AQP9: variants seen among roughly 807,000 people sequenced by gnomAD.
The protein encoded by AQP9 is aquaporin-9.
In AQP9, 19 loss-of-function variants were observed where a neutral mutation model predicts 23.8. The observed-to-expected ratio is 0.80, with a 90% CI of 0.56 to 1.17. The LOEUF is 1.17. Ranked by LOEUF, AQP9 falls within the 50% of genes most tolerant of loss-of-function variation. The probability of loss-of-function intolerance (pLI) is 0.00; values close to 1 mark genes in which losing one functional copy is unlikely to be tolerated. For missense variants in AQP9, 413 were observed against 362.0 expected (o/e 1.14, Z -1.14); for synonymous variants, 153 against 131.5 (o/e 1.16, Z -1.12).
intron 2 of AQP9, among the ~76,000 whole-genome samples, chr15:58,169,232 C>G (rs73426179): frequency 0.024 from 3,715 of 152,260 alleles, 161 homozygotes; most frequent in African/African-American, 0.084. Context: ...GAGTCAGGAC[C>G]TGACCAAAAT....
intron 1 of AQP9, chr15:58,150,238 A>G (rs1438350747): frequency 1.3e-5 from 2 of 152,638 alleles, no homozygotes; most frequent in Non-Finnish European, 2.9e-5. Flanking sequence ...AGTTTCAATT[A>G]CTTGAGCTCA....
intron 2 of AQP9, among the ~76,000 whole-genome samples, chr15:58,171,874 A>C (rs1421305104): frequency 6.6e-6 from 1 of 152,056 alleles, no homozygotes; most frequent in Non-Finnish European, 1.5e-5. Context: ...CATCACCACC[A>C]TCATCCCTCC....
At chr15:58,160,441 TTA>T (rs772537801) in intron 1 of AQP9, among the ~76,000 whole-genome samples, 7 of 152,190 alleles carry the variant, frequency 4.6e-5, no homozygotes, top group African/African-American at 7.2e-5. Flanking sequence ...ACTAAATTTT[TTA>T]TCTTTTCCTG....
In AQP9 at chr15:58,174,787, T is replaced by C. The variant is rs371071228; in HGVS notation, c.377-131T>C. 97 of 736,244 alleles carry C rather than the reference T, an allele frequency of 1.3e-4. 1 individual carries two copies. In the African/African-American group the frequency reaches 1.4e-3, roughly 11 times the overall value. The allele number at this position is 736,244 out of a possible 1,614,324, so 45.6% of individuals were successfully genotyped here. A position where few individuals can be genotyped will look rare whatever the true frequency, so the allele number is the denominator to read the frequency against. On this transcript the variant is annotated intron_variant, in intron 3 of 5. Coordinates refer to ENST00000219919, the MANE Select transcript of AQP9 (RefSeq NM_020980.5). ...CTCTAAAACTATCATTCCTCGGAAG[T>C]AGAGAGAGACAAATGACATGGCTAT...
At chr15:58,160,392 T>C (rs1458379433) in intron 1 of AQP9, among the ~76,000 whole-genome samples, 1 of 152,226 alleles carries the variant, frequency 6.6e-6, no homozygotes, top group Non-Finnish European at 1.5e-5. Flanking sequence ...GCTCCTTATA[T>C]ATTATGGTTA....
chr15:58,171,081 C>A (rs111715364), intron 2 of AQP9, among the ~76,000 whole-genome samples: 4,234 of 150,564 alleles, frequency 0.028, 124 homozygotes, highest in African/African-American at 0.071. Flanking sequence ...CGAGCCACCA[C>A]GCCCAACTAA....
intron 1 of AQP9, among the ~76,000 whole-genome samples, chr15:58,147,163 T>G (rs960574571): frequency 6.6e-6 from 1 of 152,176 alleles, no homozygotes; most frequent in African/African-American, 2.4e-5. Flanking sequence ...AATTTTAATT[T>G]TACCCAGAAA....
intron 1 of AQP9, among the ~76,000 whole-genome samples, chr15:58,156,434 G>A (rs752921577): frequency 5.9e-5 from 9 of 151,964 alleles, no homozygotes; most frequent in South Asian, 2.1e-4. Context: ...CACATTCACC[G>A]TATCAACTGT....
chr15:58,179,416 A>C, intron 5 of AQP9, 71 bp downstream of exon 5: 3 of 1,411,604 alleles, frequency 2.1e-6, no homozygotes, highest in African/African-American at 1.4e-5. Context: ...GGGCTTTGAC[A>C]TGGAGATCCA....
intron 1 of AQP9, among the ~76,000 whole-genome samples, chr15:58,160,094 A>G (rs1361866369): frequency 2.0e-5 from 3 of 152,168 alleles, no homozygotes; most frequent in Non-Finnish European, 4.4e-5. Context: ...ACTATTTTCC[A>G]TAGTGGCTAT....
At chr15:58,159,797 G>T (rs1379547958) in intron 1 of AQP9, among the ~76,000 whole-genome samples, 1 of 152,082 alleles carries the variant, frequency 6.6e-6, no homozygotes, top group African/African-American at 2.4e-5. Flanking sequence ...TTAACATAAT[G>T]ACCTCCAGTT....
chr15:58,174,956 G>C lies in AQP9; in HGVS notation c.415G>C (p.Val139Leu), dbSNP rs367676440. 3.1e-6 allele frequency: 5 copies of C among 1,614,062 alleles called. No homozygotes were observed. The highest frequency in any genetic ancestry group is 1.3e-5 in the African/African-American group (1 of 74,920). Residue 139 changes from valine (V) to leucine (L), a missense_variant, in exon 4 of 6, where the codon GTG becomes CTG. Val to Leu is a conservative substitution (Grantham distance 32, BLOSUM62 1). Coordinates refer to ENST00000219919, the MANE Select transcript of AQP9 (RefSeq NM_020980.5). ...CTTTGCTGGTGGAAAACTGCTGATC[G>C]TGGGAGAAAATGCAACAGCACACAT... The part of the protein sequence containing the change: ...MSFAGGKLLI[V>L]GENATAHIFA...
intron 1 of AQP9, among the ~76,000 whole-genome samples, chr15:58,157,849 TATCTC>T (rs1418991598): frequency 6.6e-6 from 1 of 152,130 alleles, no homozygotes; most frequent in Non-Finnish European, 1.5e-5. Context: ...ATCACCAAAA[TATCTC>T]AGTCATCTCT....
intron 2 of AQP9, among the ~76,000 whole-genome samples, chr15:58,170,281 GC>G (rs1898591893): frequency 6.6e-6 from 1 of 152,042 alleles, no homozygotes; most frequent in Non-Finnish European, 1.5e-5. Flanking sequence ...CTCCTCTCCA[GC>G]CCTTTTCCTC....
At chr15:58,173,495 G>C (rs542658814) in intron 3 of AQP9, among the ~76,000 whole-genome samples, 5 of 152,154 alleles carry the variant, frequency 3.3e-5, no homozygotes, top group Non-Finnish European at 7.3e-5. Context: ...TAGGCCAGTG[G>C]CTTCCCCACT....
chr15:58,157,371 G>A (rs1291225380), intron 1 of AQP9, among the ~76,000 whole-genome samples: 1 of 152,164 alleles, frequency 6.6e-6, no homozygotes, highest in African/African-American at 2.4e-5. Flanking sequence ...CATACCATCT[G>A]GGTGAGACTT....
intron 2 of AQP9, 59 bp from the exon 3 acceptor site, chr15:58,173,009 G>A: frequency 3.1e-6 from 5 of 1,604,650 alleles, no homozygotes; most frequent in Middle Eastern, 3.3e-4. Flanking sequence ...TCTCTAGATG[G>A]TTTTCTGTAT....
At chr15:58,182,920 C>T (rs1346179374) in intron 5 of AQP9, among the ~76,000 whole-genome samples, 2 of 152,188 alleles carry the variant, frequency 1.3e-5, no homozygotes. Context: ...TGAGATTAGA[C>T]TTAGTTTCCT....
intron 1 of AQP9, among the ~76,000 whole-genome samples, chr15:58,139,837 C>T (rs138377869): frequency 1.3e-5 from 2 of 152,306 alleles, no homozygotes; most frequent in East Asian, 3.9e-4. Context: ...TCTTGCACTC[C>T]TCATCTTCCC....
Sources: gnomAD v4.1 joint callset for allele counts (sites outside exome capture counted in the v4.1 genomes callset) on GRCh38, gnomAD v4.1.1 for gene constraint, MANE v1.5 for transcripts, NCBI Gene and HGNC (gene_info 2026-07-23, HGNC 2026-07-21) for gene names.